Variants in ARHGAP25 observed in about 807,000 individuals in gnomAD.
ARHGAP25 encodes Rho GTPase activating protein 25.
A neutral mutation model predicts 71.0 loss-of-function variants in ARHGAP25; 34 were observed. The ratio of observed to expected loss-of-function variants is 0.48; its 90% CI spans 0.36 to 0.64. The LOEUF is 0.64. ARHGAP25 is among the 30% of genes least tolerant of loss of function. ARHGAP25 has a pLI of 0.00. For synonymous variants in ARHGAP25, 282 were observed against 296.5 expected, an observed-to-expected ratio of 0.95 and a Z score of 0.50; for missense variants, 706 against 805.1, an observed-to-expected ratio of 0.88 and a Z score of 1.49.
At chr2:68,823,782 G>A (rs114717389) in intron 10 of ARHGAP25, among the ~76,000 whole-genome samples, 5 of 152,176 alleles carry the variant, frequency 3.3e-5, no homozygotes, top group Non-Finnish European at 5.9e-5. Flanking sequence ...AAACAGAAGC[G>A]GGAGGCCAGT....
intron 2 of ARHGAP25, among the ~76,000 whole-genome samples, chr2:68,727,287 G>T (rs911150756): frequency 5.9e-5 from 9 of 152,202 alleles, no homozygotes; most frequent in Non-Finnish European, 1.3e-4. Flanking sequence ...CAATCTGCTT[G>T]ACTTCAGGCC....
chr2:68,826,414 A>G lies in ARHGAP25; in HGVS notation c.*220A>G, dbSNP rs946108283. ...CTCTGACCATCCATCGCTGTATTCA[A>G]ATGGATTGTTTTATTCCATTCTGGT... On this transcript the variant is annotated 3_prime_UTR_variant, in exon 11 of 11. Transcript: ENST00000409202. 4.5e-6 allele frequency: 3 copies of G among 664,794 alleles called. No individual in the cohort carries two copies. Among genetic ancestry groups the G allele is most frequent in the Admixed American group, 4.2e-5 (2 of 47,862 alleles). 41.2% of individuals were successfully genotyped at this position (664,794 alleles called of 1,614,324 possible).
At chr2:68,747,657 C>A (rs543109495) in intron 1 of ARHGAP25, among the ~76,000 whole-genome samples, 32 of 152,316 alleles carry the variant, frequency 2.1e-4, no homozygotes, top group African/African-American at 7.2e-4. Flanking sequence ...CTTCCCTCCC[C>A]CAGTGTGTCC....
At chr2:68,813,488 A>G in intron 6 of ARHGAP25, 69 bp downstream of exon 6, 1 of 1,547,094 alleles carries the variant, frequency 6.5e-7, no homozygotes, top group Non-Finnish European at 8.7e-7. Flanking sequence ...CTAATCCAGT[A>G]GGCAACAGTG....
In ARHGAP25 at chr2:68,826,458, C is replaced by T. The variant is rs995783821; in HGVS notation, c.*264C>T. 5.5e-6 allele frequency: 3 copies of T among 547,372 alleles called. No homozygotes were observed. The highest frequency in any genetic ancestry group is 3.7e-5 in the South Asian group (2 of 54,488). 33.9% of individuals were successfully genotyped at this position (547,372 alleles called of 1,614,324 possible). A position where few individuals can be genotyped will look rare whatever the true frequency, so the allele number is the denominator to read the frequency against. The stretch of plus-strand genomic sequence containing the variant: ...TTCTGGTCTCAGGCATGACCACGTC[C>T]AGTGAAGACATTTGAGGCAGCACAT... On this transcript the variant is annotated 3_prime_UTR_variant, in exon 11 of 11. Coordinates refer to ENST00000409202, the MANE Select transcript of ARHGAP25 (RefSeq NM_001007231.3).
At chr2:68,764,599 C>A (rs547114405) in intron 1 of ARHGAP25, among the ~76,000 whole-genome samples, 2 of 152,270 alleles carry the variant, frequency 1.3e-5, no homozygotes, top group East Asian at 3.9e-4. Context: ...AGAGCTGTTA[C>A]TTTTTGTCTG....
At chr2:68,787,299 C>T (rs1275217253) in intron 3 of ARHGAP25, among the ~76,000 whole-genome samples, 1 of 152,162 alleles carries the variant, frequency 6.6e-6, no homozygotes, top group Non-Finnish European at 1.5e-5. Flanking sequence ...GTATTGAGAA[C>T]CTACATTTGA....
At chr2:68,789,317 C>T (rs149700075) in intron 4 of ARHGAP25, among the ~76,000 whole-genome samples, 119 of 152,306 alleles carry the variant, frequency 7.8e-4, no homozygotes, top group African/African-American at 2.6e-3. Context: ...GGATTACAGG[C>T]GTGAGCCACC....
At chr2:68,823,657 C>A (rs1681873908) in intron 10 of ARHGAP25, among the ~76,000 whole-genome samples, 1 of 152,126 alleles carries the variant, frequency 6.6e-6, no homozygotes, top group African/African-American at 2.4e-5. Context: ...GGCCAGGACG[C>A]AGTAGGGTTT....
At chr2:68,711,392 AT>A (rs1450687032) in intron 2 of ARHGAP25, among the ~76,000 whole-genome samples, 1 of 152,006 alleles carries the variant, frequency 6.6e-6, no homozygotes, top group East Asian at 1.9e-4. Flanking sequence ...ATTAGTATTT[AT>A]TTTCATTTTG....
chr2:68,800,874 T>C (rs1290630647), intron 4 of ARHGAP25, among the ~76,000 whole-genome samples: 1 of 152,084 alleles, frequency 6.6e-6, no homozygotes, highest in Admixed American at 6.5e-5. Flanking sequence ...ATTACATATA[T>C]TATAATTACA....
At chr2:68,734,080 G>C (rs1675097895), upstream of ARHGAP25, among the ~76,000 whole-genome samples, 3 of 152,288 alleles carry the variant, frequency 2.0e-5, no homozygotes, top group Admixed American at 2.0e-4. Context: ...TCACAGAACT[G>C]AACTAAATAG....
At chr2:68,781,856 G>C (rs1678364694) in intron 2 of ARHGAP25, among the ~76,000 whole-genome samples, 1 of 152,138 alleles carries the variant, frequency 6.6e-6, no homozygotes, top group Non-Finnish European at 1.5e-5. Flanking sequence ...GAACCCCTCT[G>C]GCAGCTTGGC....
At chr2:68,718,051 T>C (rs181943831) in intron 2 of ARHGAP25, among the ~76,000 whole-genome samples, 91 of 152,122 alleles carry the variant, frequency 6.0e-4, no homozygotes, top group Middle Eastern at 3.4e-3. Context: ...AATGGTGTAC[T>C]ACCAGCTGTG....
intron 2 of ARHGAP25, among the ~76,000 whole-genome samples, chr2:68,714,191 C>A (rs1019965408): frequency 2.6e-5 from 4 of 152,044 alleles, no homozygotes; most frequent in Non-Finnish European, 5.9e-5. Flanking sequence ...AGGGATTTGA[C>A]TTCTTCCTGG....
intron 1 of ARHGAP25, among the ~76,000 whole-genome samples, chr2:68,772,646 G>A (rs1194410988): frequency 6.6e-6 from 1 of 152,188 alleles, no homozygotes; most frequent in Non-Finnish European, 1.5e-5. Flanking sequence ...GACTTAGAGA[G>A]ATACAGAACT....
chr2:68,764,670 G>A (rs1044243604), intron 1 of ARHGAP25, among the ~76,000 whole-genome samples: 3 of 152,098 alleles, frequency 2.0e-5, no homozygotes, highest in African/African-American at 7.2e-5. Flanking sequence ...ACCTCTGTGC[G>A]CACTTGGAAG....
chr2:68,769,224 A>AT (rs909230010), intron 1 of ARHGAP25, among the ~76,000 whole-genome samples: 8 of 151,970 alleles, frequency 5.3e-5, no homozygotes, highest in African/African-American at 1.9e-4. Flanking sequence ...CCCCTCTGTA[A>AT]TATTCTCTTT....
chr2:68,745,426 C>G (rs1675756858), intron 1 of ARHGAP25, among the ~76,000 whole-genome samples: 1 of 152,210 alleles, frequency 6.6e-6, no homozygotes, highest in Non-Finnish European at 1.5e-5. Flanking sequence ...TTTTCACTAT[C>G]AGTCACCCCA....
Sources: allele counts gnomAD v4.1 joint callset (sites outside exome capture counted in the v4.1 genomes callset), GRCh38; gene constraint gnomAD v4.1.1; transcripts MANE v1.5; gene names NCBI Gene and HGNC (gene_info 2026-07-23, HGNC 2026-07-21).